Variants in CRADD observed in about 807,000 individuals in gnomAD.
CRADD encodes the protein death domain-containing protein CRADD.
A neutral mutation model predicts 15.5 loss-of-function variants in CRADD; 9 were observed. The ratio of observed to expected loss-of-function variants is 0.58; its 90% CI spans 0.35 to 1.01. The LOEUF (loss-of-function observed/expected upper bound fraction) is 1.01. CRADD is among the 50% of genes least tolerant of loss of function. The pLI is 0.02. For synonymous variants in CRADD, 118 were observed against 107.6 expected, an observed-to-expected ratio of 1.10 and a Z score of -0.60; for missense variants, 227 against 250.3, an observed-to-expected ratio of 0.91 and a Z score of 0.63.
intron 2 of CRADD, among the ~76,000 whole-genome samples, chr12:93,740,888 C>T (rs1009796138): frequency 2.0e-5 from 3 of 152,064 alleles, no homozygotes; most frequent in Admixed American, 6.6e-5. Flanking sequence ...GTTTGACTTT[C>T]GGTTTTAAAA....
chr12:93,889,825 G>A (rs1271535224), intron 2 of CRADD, among the ~76,000 whole-genome samples: 1 of 152,234 alleles, frequency 6.6e-6, no homozygotes, highest in Non-Finnish European at 1.5e-5. Flanking sequence ...GTGCCATGGA[G>A]AGAAGGTAAA....
At chr12:93,861,855 A>G (rs1958322295) in intron 2 of CRADD, among the ~76,000 whole-genome samples, 1 of 152,092 alleles carries the variant, frequency 6.6e-6, no homozygotes, top group Non-Finnish European at 1.5e-5. Flanking sequence ...ACAGGGTGAT[A>G]TGGTTTGGCT....
At chr12:93,815,126 T>C (rs1180111535) in intron 2 of CRADD, 1 of 152,234 alleles carries the variant, frequency 6.6e-6, no homozygotes, top group Non-Finnish European at 1.5e-5. Context: ...GGCCCATATC[T>C]GGCATGACTT....
At chr12:93,706,167 T>C (rs1955947494) in intron 2 of CRADD, among the ~76,000 whole-genome samples, 1 of 152,244 alleles carries the variant, frequency 6.6e-6, no homozygotes, top group Non-Finnish European at 1.5e-5. Flanking sequence ...AGCAAATATG[T>C]ACTTTCAAGC....
intron 2 of CRADD, among the ~76,000 whole-genome samples, chr12:93,849,740 CAA>C (rs77041843): frequency 7.9e-4 from 49 of 62,210 alleles, no homozygotes; most frequent in East Asian, 1.1e-3. Context: ...AACACCGTCT[CAA>C]AAAAAAAAAA....
At chr12:93,691,403 G>A (rs1437315113) in intron 2 of CRADD, among the ~76,000 whole-genome samples, 1 of 151,924 alleles carries the variant, frequency 6.6e-6, no homozygotes, top group Non-Finnish European at 1.5e-5. Context: ...ACAGGTGCCC[G>A]CCACCATGCC....
chr12:93,711,055 C>CCCCCCCCTTTTTTTTTTTT, intron 2 of CRADD, among the ~76,000 whole-genome samples: 1 of 43,508 alleles, frequency 2.3e-5, no homozygotes, highest in African/African-American at 8.5e-5. Context: ...CCACCCCCGC[C>CCCCCCCCTTTTTTTTTTTT]TTTTTTTTTT....
At chr12:93,875,894 C>A (rs1177229782) in intron 2 of CRADD, among the ~76,000 whole-genome samples, 1 of 152,224 alleles carries the variant, frequency 6.6e-6, no homozygotes, top group East Asian at 1.9e-4. Flanking sequence ...TGCGTACTTA[C>A]CATTACCAGT....
rs1957052417 is a variant in CRADD, at chr12:93,768,767, C to A, written c.299-81203C>A. On this transcript the variant is annotated intron_variant, in intron 2 of 2. Coordinates refer to ENST00000332896, the MANE Select transcript of CRADD (RefSeq NM_003805.5). The stretch of plus-strand genomic sequence containing the variant: ...GTTTATGATCACAAAGTGAACACAT[C>A]CATTTACTGCCCTCTACTTAGGTCA... Among the ~76,000 whole-genome samples, 4 of 152,142 alleles carry A rather than the reference C, an allele frequency of 2.6e-5. No homozygotes were observed. In the South Asian group the frequency reaches 8.3e-4, roughly 32 times the overall value.
At chr12:93,706,370 C>T (rs1955951504) in intron 2 of CRADD, among the ~76,000 whole-genome samples, 1 of 152,172 alleles carries the variant, frequency 6.6e-6, no homozygotes, top group Non-Finnish European at 1.5e-5. Flanking sequence ...TATGATTAGA[C>T]ATAGTTCAAG....
intron 2 of CRADD, among the ~76,000 whole-genome samples, chr12:93,840,210 G>T (rs10859595): frequency 0.62 from 95,055 of 152,112 alleles, 31,878 homozygotes; most frequent in African/African-American, 0.87. Context: ...AGCACAACAG[G>T]GACTCTCCTT....
intron 2 of CRADD, among the ~76,000 whole-genome samples, chr12:93,683,942 T>C (rs1431990986): frequency 6.6e-6 from 1 of 152,148 alleles, no homozygotes; most frequent in African/African-American, 2.4e-5. Context: ...TGTGACTGAG[T>C]AGTGTTTGCC....
At chr12:93,744,212 T>G (rs1246480813) in intron 2 of CRADD, among the ~76,000 whole-genome samples, 2 of 152,212 alleles carry the variant, frequency 1.3e-5, no homozygotes, top group East Asian at 1.9e-4. Context: ...CCTGGACTTG[T>G]ACCTGTAGGC....
intron 2 of CRADD, among the ~76,000 whole-genome samples, chr12:93,782,325 C>T (rs1326066049): frequency 7.3e-6 from 1 of 136,750 alleles, no homozygotes; most frequent in African/African-American, 2.8e-5. Flanking sequence ...GGGAACATCA[C>T]ACACCGGGGA....
At chr12:93,774,901 G>A (rs1479680236) in intron 2 of CRADD, among the ~76,000 whole-genome samples, 2 of 152,220 alleles carry the variant, frequency 1.3e-5, no homozygotes, top group Non-Finnish European at 2.9e-5. Flanking sequence ...GAAGGGACCA[G>A]CTGCTAGGGT....
intron 2 of CRADD, among the ~76,000 whole-genome samples, chr12:93,693,570 A>G (rs1268208231): frequency 6.6e-6 from 1 of 152,100 alleles, no homozygotes. Flanking sequence ...ATATGCACCA[A>G]TCACTGGAGC....
chr12:93,703,978 CTTTTTTTTTTTTT>C (rs71071759), intron 2 of CRADD, among the ~76,000 whole-genome samples: 1 of 90,270 alleles, frequency 1.1e-5, no homozygotes, highest in Admixed American at 1.4e-4. Flanking sequence ...TGGAGCCTTT[CTTTTTTTTTTTTT>C]TTTTTTTTTG....
At chr12:93,846,391 C>T (rs1034832310) in intron 2 of CRADD, 5 of 152,128 alleles carry the variant, frequency 3.3e-5, no homozygotes, top group Middle Eastern at 3.2e-3. Context: ...TTTTCCATTC[C>T]CACCAATAGT....
At chr12:93,873,095 T>A (rs1303053678) in intron 2 of CRADD, among the ~76,000 whole-genome samples, 2 of 152,100 alleles carry the variant, frequency 1.3e-5, no homozygotes, top group Admixed American at 1.3e-4. Flanking sequence ...CATCAGTGTT[T>A]TATAGTTTTC....
Sources: allele counts gnomAD v4.1 joint callset (sites outside exome capture counted in the v4.1 genomes callset), GRCh38; gene constraint gnomAD v4.1.1; transcripts MANE v1.5; gene names NCBI Gene and HGNC (gene_info 2026-07-23, HGNC 2026-07-21).